Variants in METTL8 observed in about 807,000 individuals in gnomAD.
The protein encoded by METTL8 is tRNA N(3)-cytidine methyltransferase METTL8, mitochondrial.
Under a neutral mutation model 48.7 loss-of-function variants are expected in METTL8, and 32 were observed. The observed-to-expected ratio is 0.66, with a 90% CI of 0.50 to 0.88. METTL8 has a LOEUF of 0.88. Ranked by LOEUF, METTL8 falls within the 40% of genes least tolerant of loss-of-function variation. METTL8 has a pLI of 0.00. For synonymous variants in METTL8, 136 were observed against 157.1 expected, an observed-to-expected ratio of 0.87 and a Z score of 1.01; for missense variants, 464 against 474.4, an observed-to-expected ratio of 0.98 and a Z score of 0.20.
chr2:171,397,352 TAAAAA>T (rs71013039), intron 1 of METTL8, among the ~76,000 whole-genome samples: 7 of 11,692 alleles, frequency 6.0e-4, no homozygotes, highest in Non-Finnish European at 1.1e-3. Context: ...ACCCTGTCTC[TAAAAA>T]AAAAAAAAAA....
intron 3 of METTL8, among the ~76,000 whole-genome samples, chr2:171,358,237 G>A (rs924201102): frequency 1.3e-5 from 2 of 151,802 alleles, no homozygotes; most frequent in Non-Finnish European, 2.9e-5. Flanking sequence ...TGTAATCCCA[G>A]CTAATCAGGA....
Position 171,316,435 on chromosome 2 carries a change from A to C in METTL8, c.*7737T>G, listed in dbSNP as rs1173477826. On this transcript the variant is annotated 3_prime_UTR_variant, in exon 10 of 10. Coordinates refer to ENST00000375258, the MANE Select transcript of METTL8 (RefSeq NM_001321154.2). ...CCTTGCACTATTTGGCAAGAGAAAG[A>C]AGCACCTGGAGAGTGAGTTAGGGAG... Among the ~76,000 whole-genome samples the C allele has an allele frequency of 2.6e-5, 4 of 152,258 alleles. No individual in the cohort carries two copies. The highest frequency in any genetic ancestry group is 4.4e-5 in the Non-Finnish European group (3 of 68,050).
chr2:171,316,127 A>C lies in METTL8; in HGVS notation c.*8045T>G, dbSNP rs1044611812. 1.3e-5 allele frequency among the ~76,000 whole-genome samples: 2 copies of C among 152,270 alleles called. No individual in the cohort carries two copies. Among genetic ancestry groups the C allele is most frequent in the Non-Finnish European group, 2.9e-5 (2 of 68,044 alleles). ...AACACTATTAAAATGTCTTTTTAAA[A>C]GTCAAAGCTAAATGAGTATGCAATA... is the stretch of plus-strand genomic sequence containing the variant. On this transcript the variant is annotated 3_prime_UTR_variant, in exon 10 of 10. Transcript: ENST00000375258.
At chr2:171,409,394 A>C (rs1403654319) in intron 1 of METTL8, among the ~76,000 whole-genome samples, 1 of 152,148 alleles carries the variant, frequency 6.6e-6, no homozygotes, top group East Asian at 1.9e-4. Context: ...AAAATCCCAC[A>C]AAATAAAATT....
intron 2 of METTL8, among the ~76,000 whole-genome samples, chr2:171,379,143 T>G (rs1160726493): frequency 1.3e-5 from 2 of 152,204 alleles, no homozygotes; most frequent in Non-Finnish European, 2.9e-5. Flanking sequence ...TTGAACAACT[T>G]GCTCCGGAAT....
intron 1 of METTL8, among the ~76,000 whole-genome samples, chr2:171,412,718 G>A (rs1309479551): frequency 7.3e-5 from 11 of 150,218 alleles, no homozygotes; most frequent in African/African-American, 2.7e-4. Flanking sequence ...ACCAACTATG[G>A]ACTCACAGAA....
chr2:171,385,670 GGATGGCTGTCTAGACTA>G (rs1369266194), intron 2 of METTL8, among the ~76,000 whole-genome samples: 1 of 152,206 alleles, frequency 6.6e-6, no homozygotes, highest in African/African-American at 2.4e-5. Flanking sequence ...CTATGAAGAT[GGATGGCTGTCTAGACTA>G]GATCAATGTT....
Position 171,323,896 on chromosome 2 carries a change from T to C in METTL8, c.*276A>G, listed in dbSNP as rs1007728578. On this transcript the variant is annotated 3_prime_UTR_variant, in exon 10 of 10. Transcript: ENST00000375258. Reference sequence around the variant, plus strand: ...ATTACTTGACATAATACTAACTTAATTGAATGCTTATAAAAATCAAGGAAC... The same window carrying C: ...ATTACTTGACATAATACTAACTTAACTGAATGCTTATAAAAATCAAGGAAC... 6.8e-6 allele frequency: 2 copies of C among 294,486 alleles called. No individual in the cohort carries two copies. Among genetic ancestry groups the C allele is most frequent in the Non-Finnish European group, 1.2e-5 (2 of 161,230 alleles). The allele number at this position is 294,486 out of a possible 1,614,324, so 18.2% of individuals were successfully genotyped here.
intron 1 of METTL8, among the ~76,000 whole-genome samples, chr2:171,432,183 G>T (rs1693101875): frequency 6.6e-6 from 1 of 152,136 alleles, no homozygotes; most frequent in Non-Finnish European, 1.5e-5. Flanking sequence ...GCAAGGCCTG[G>T]GTAGGTCTCC....
At chr2:171,404,691 T>C (rs2105603590) in intron 1 of METTL8, among the ~76,000 whole-genome samples, 1 of 152,296 alleles carries the variant, frequency 6.6e-6, no homozygotes, top group African/African-American at 2.4e-5. Flanking sequence ...ACAAAATGTA[T>C]TTATATATAT....
Position 171,319,370 on chromosome 2 carries a change from T to C in METTL8, c.*4802A>G, listed in dbSNP as rs995312409. 6.6e-6 allele frequency: 1 copy of C among 152,220 alleles called. No individual in the cohort carries two copies. The highest frequency in any genetic ancestry group is 1.5e-5 in the Non-Finnish European group (1 of 68,034). 9.4% of individuals were successfully genotyped at this position (152,220 alleles called of 1,614,324 possible). On this transcript the variant is annotated 3_prime_UTR_variant, in exon 10 of 10. Coordinates refer to ENST00000375258, the MANE Select transcript of METTL8 (RefSeq NM_001321154.2). ...GATGCAAATGTGAAGTTATCTGCAC[T>C]TGTGAGGAGCATAACAAACATCAAA...
chr2:171,382,923 A>T (rs1687708068), intron 2 of METTL8, among the ~76,000 whole-genome samples: 2 of 151,574 alleles, frequency 1.3e-5, no homozygotes, highest in Non-Finnish European at 2.9e-5. Context: ...AAATACAAAA[A>T]ATTAGCCAGG....
intron 2 of METTL8, among the ~76,000 whole-genome samples, chr2:171,368,966 T>A (rs1686008538): frequency 6.6e-6 from 1 of 152,030 alleles, no homozygotes; most frequent in Admixed American, 6.6e-5. Context: ...TGAGATTTAG[T>A]GTAATATCAA....
chr2:171,385,550 C>A (rs1391719037), intron 2 of METTL8, among the ~76,000 whole-genome samples: 1 of 152,176 alleles, frequency 6.6e-6, no homozygotes, highest in Non-Finnish European at 1.5e-5. Flanking sequence ...AACTACCTTC[C>A]TCTTCCCTGG....
intron 2 of METTL8, among the ~76,000 whole-genome samples, chr2:171,379,769 C>A (rs1208751999): frequency 6.6e-6 from 1 of 151,908 alleles, no homozygotes; most frequent in Admixed American, 6.6e-5. Flanking sequence ...GCTTACCAAC[C>A]AAAAAAAGCC....
At chr2:171,381,780 CTT>C (rs35185395) in intron 2 of METTL8, among the ~76,000 whole-genome samples, 124 of 125,610 alleles carry the variant, frequency 9.9e-4, no homozygotes, top group African/African-American at 2.1e-3. Context: ...ATTAGGAACA[CTT>C]TTTTTTTTTT....
chr2:171,326,179 A>C, intron 7 of METTL8, 31 bp from the exon 8 acceptor site: 1 of 1,203,984 alleles, frequency 8.3e-7, no homozygotes, highest in Non-Finnish European at 1.2e-6. Context: ...AAAGATACCC[A>C]GTTTGTAGAA....
chr2:171,356,763 T>C (rs904397541), intron 3 of METTL8, among the ~76,000 whole-genome samples: 1 of 152,008 alleles, frequency 6.6e-6, no homozygotes, highest in Admixed American at 6.6e-5. Flanking sequence ...AGAATAATAT[T>C]CCATTGTGTA....
intron 4 of METTL8, 22 bp downstream of exon 4, chr2:171,339,162 T>A (rs1237290586): frequency 7.0e-7 from 1 of 1,426,876 alleles, no homozygotes; most frequent in South Asian, 1.9e-5. Context: ...CACCTCCCAT[T>A]TTTGTCCCTT....
Sources: allele counts gnomAD v4.1 joint callset (sites outside exome capture counted in the v4.1 genomes callset), GRCh38; gene constraint gnomAD v4.1.1; transcripts MANE v1.5; gene names NCBI Gene and HGNC (gene_info 2026-07-23, HGNC 2026-07-21).